Variants in AKR1C3 observed in about 807,000 individuals in gnomAD.
AKR1C3 encodes aldo-keto reductase family 1 member C3, also known as 3-alpha hydroxysteroid dehydrogenase, type II.
In AKR1C3, 48 loss-of-function variants were observed where a neutral mutation model predicts 43.6. That is an observed-to-expected ratio of 1.10 (90% CI 0.87 to 1.40). The LOEUF (loss-of-function observed/expected upper bound fraction) is 1.40. AKR1C3 is among the 40% of genes most tolerant of loss of function. The pLI, the probability that AKR1C3 is intolerant of heterozygous loss-of-function variation, is 0.00. For missense variants in AKR1C3, 482 were observed against 391.2 expected (o/e 1.23, Z -1.96); for synonymous variants, 162 against 139.6 (o/e 1.16, Z -1.13).
intron 8 of AKR1C3, among the ~76,000 whole-genome samples, chr10:5,106,884 T>C (rs1251833965): frequency 7.5e-6 from 1 of 133,554 alleles, no homozygotes; most frequent in East Asian, 1.9e-4. Flanking sequence ...TAGATATCAT[T>C]GTTAATATTT....
intron 8 of AKR1C3, among the ~76,000 whole-genome samples, chr10:5,107,084 TCATATATAA>T (rs1163730404): frequency 6.6e-6 from 1 of 152,142 alleles, no homozygotes; most frequent in Non-Finnish European, 1.5e-5. Context: ...AGACCCTATA[TCATATATAA>T]CAATTTACAT....
intron 1 of AKR1C3, among the ~76,000 whole-genome samples, chr10:5,052,102 A>G (rs6601895): frequency 0.57 from 86,397 of 152,012 alleles, 25,537 homozygotes; most frequent in East Asian, 0.79. Context: ...GTTCGGACGT[A>G]TTCGGAGTTT....
At chr10:5,099,752 A>G (rs888416912) in intron 5 of AKR1C3, 2 of 363,722 alleles carry the variant, frequency 5.5e-6, no homozygotes, top group East Asian at 5.5e-5. Context: ...CCTCTAAGCT[A>G]TGAAAGATGA....
At chr10:5,073,754 A>G (rs1017340868) in intron 1 of AKR1C3, among the ~76,000 whole-genome samples, 44 of 152,346 alleles carry the variant, frequency 2.9e-4, no homozygotes, top group African/African-American at 1.1e-3. Context: ...GCTATCAAGA[A>G]CATCACCCTC....
intron 7 of AKR1C3, 33 bp from the exon 8 acceptor site, chr10:5,105,562 C>A: frequency 6.5e-7 from 1 of 1,550,316 alleles, no homozygotes; most frequent in South Asian, 1.1e-5. Flanking sequence ...AACTGGCAAT[C>A]TAAAAATAAT....
At chr10:5,059,854 A>G (rs1554780032) in intron 1 of AKR1C3, among the ~76,000 whole-genome samples, 2 of 152,162 alleles carry the variant, frequency 1.3e-5, no homozygotes, top group Non-Finnish European at 2.9e-5. Context: ...GTGTCCAGAA[A>G]TGGTGGGTTC....
At chr10:5,051,373 A>G (rs1554778904) in intron 1 of AKR1C3, among the ~76,000 whole-genome samples, 3 of 152,244 alleles carry the variant, frequency 2.0e-5, no homozygotes, top group African/African-American at 7.2e-5. Context: ...CTGGGATTAC[A>G]GGCATGAGCC....
At chr10:5,075,354 GC>G (rs1554781705) in intron 1 of AKR1C3, among the ~76,000 whole-genome samples, 1 of 151,910 alleles carries the variant, frequency 6.6e-6, no homozygotes, top group African/African-American at 2.4e-5. Context: ...TTTTCCCTTG[GC>G]CCCCACCAGC....
intron 1 of AKR1C3, among the ~76,000 whole-genome samples, chr10:5,073,477 C>G (rs1225774485): frequency 6.6e-6 from 1 of 152,048 alleles, no homozygotes; most frequent in Non-Finnish European, 1.5e-5. Flanking sequence ...TAGAACAACC[C>G]TCCCCTACAC....
intron 1 of AKR1C3, among the ~76,000 whole-genome samples, chr10:5,060,791 G>A (rs1380932000): frequency 5.9e-5 from 9 of 152,350 alleles, no homozygotes; most frequent in African/African-American, 2.2e-4. Context: ...GAGGTGGGGA[G>A]GCTCAGGCAT....
intron 1 of AKR1C3, chr10:5,077,587 T>A (rs1405132918): frequency 9.4e-6 from 8 of 853,324 alleles, no homozygotes; most frequent in Non-Finnish European, 1.1e-5. Flanking sequence ...AGACAATGGG[T>A]AAAACATTAA....
In AKR1C3 at chr10:5,095,879, TG is replaced by T. The variant is rs782353415; in HGVS notation, c.85-530del. 9.8e-3 allele frequency among the ~76,000 whole-genome samples: 1,488 copies of T among 152,230 alleles called. 23 individuals are homozygous for T. The highest frequency in any genetic ancestry group is 0.034 in the African/African-American group (1,416 of 41,538). Reference sequence around the variant, plus strand: ...GACTTAATAGACTACTATTCACAGATGCTTTATTTCCCAAGTGAACCCTAGT... The same window carrying T: ...GACTTAATAGACTACTATTCACAGATCTTTATTTCCCAAGTGAACCCTAGT... On this transcript the variant is annotated intron_variant, in intron 1 of 8. Transcript: ENST00000380554.
At chr10:5,094,581 A>G in intron 1 of AKR1C3, 53 bp downstream of exon 1, 2 of 1,585,218 alleles carry the variant, frequency 1.3e-6, no homozygotes, top group East Asian at 4.5e-5. Context: ...ACCTAGTAGA[A>G]GTGAAACCCG....
intron 1 of AKR1C3, among the ~76,000 whole-genome samples, chr10:5,076,585 G>T (rs557657209): frequency 6.6e-6 from 1 of 151,994 alleles, no homozygotes; most frequent in Admixed American, 6.6e-5. Flanking sequence ...ATTTTTCTTT[G>T]CTTGTTACTG....
intron 1 of AKR1C3, among the ~76,000 whole-genome samples, chr10:5,055,211 C>T (rs34737220): frequency 0.23 from 34,354 of 152,198 alleles, 4,310 homozygotes; most frequent in Non-Finnish European, 0.28. Context: ...CACAAATGAA[C>T]TGCCAACTGT....
At chr10:5,099,609 T>A (rs1839299036) in intron 5 of AKR1C3, 160 bp downstream of exon 5, 1 of 1,321,850 alleles carries the variant, frequency 7.6e-7, no homozygotes, top group African/African-American at 1.5e-5. Flanking sequence ...TTCTTGTTTG[T>A]ACCCTGCTTG....
chr10:5,080,259 G>GA (rs1279211368), intron 1 of AKR1C3, among the ~76,000 whole-genome samples: 4 of 152,058 alleles, frequency 2.6e-5, no homozygotes, highest in African/African-American at 9.7e-5. Flanking sequence ...ATCGTGTTGA[G>GA]AAAAAAATCT....
chr10:5,067,988 G>A (rs1322628990), intron 1 of AKR1C3, among the ~76,000 whole-genome samples: 4 of 151,962 alleles, frequency 2.6e-5, no homozygotes, highest in African/African-American at 9.7e-5. Context: ...AGTTACCATG[G>A]GTGATTTGAC....
At chr10:5,067,177 A>C (rs980016649) in intron 1 of AKR1C3, among the ~76,000 whole-genome samples, 1 of 140,984 alleles carries the variant, frequency 7.1e-6, no homozygotes, top group Non-Finnish European at 1.5e-5. Context: ...CAAATTCCTT[A>C]AACAAAAGTA....
Sources: allele counts gnomAD v4.1 joint callset (sites outside exome capture counted in the v4.1 genomes callset), GRCh38; gene constraint gnomAD v4.1.1; transcripts MANE v1.5; gene names NCBI Gene and HGNC (gene_info 2026-07-23, HGNC 2026-07-21).